ANKRD13C: variants seen among roughly 807,000 people sequenced by gnomAD.
The protein encoded by ANKRD13C is ankyrin repeat domain 13C, also known as ankyrin repeat domain-containing protein 13C.
ANKRD13C carries 16 observed loss-of-function variants against 65.5 expected under a neutral mutation model. The observed-to-expected ratio is 0.24, with a 90% CI of 0.17 to 0.37. The LOEUF is 0.37. ANKRD13C is among the 10% of genes least tolerant of loss of function. The pLI is 1.00. For missense variants in ANKRD13C, 503 were observed against 655.9 expected (o/e 0.77, Z 2.55); for synonymous variants, 235 against 238.7 (o/e 0.98, Z 0.14).
At chr1:70,315,679 ATGTATGTG>A in intron 3 of ANKRD13C, 113 bp from the exon 4 acceptor site, 1 of 760,762 alleles carries the variant, frequency 1.3e-6, no homozygotes, top group Non-Finnish European at 2.1e-6. Flanking sequence ...ATGCACGTGC[ATGTATGTG>A]TGTATGTGTA....
chr1:70,305,287 C>T (rs1331744726), intron 6 of ANKRD13C, among the ~76,000 whole-genome samples: 3 of 152,104 alleles, frequency 2.0e-5, no homozygotes, highest in African/African-American at 2.4e-5. Flanking sequence ...TGCTTTGTGT[C>T]ATGGTGAGAA....
chr1:70,273,165 T>G (rs1678970000), intron 11 of ANKRD13C, among the ~76,000 whole-genome samples: 1 of 152,110 alleles, frequency 6.6e-6, no homozygotes, highest in African/African-American at 2.4e-5. Context: ...TATAGAACAA[T>G]CTATCTACTT....
At chr1:70,328,906 T>C (rs770564622) in intron 2 of ANKRD13C, among the ~76,000 whole-genome samples, 4 of 152,252 alleles carry the variant, frequency 2.6e-5, no homozygotes, top group African/African-American at 7.2e-5. Context: ...CAAAAAACCA[T>C]TGGGTTTTGT....
intron 8 of ANKRD13C, among the ~76,000 whole-genome samples, chr1:70,295,620 A>G (rs1294333728): frequency 6.6e-6 from 1 of 152,230 alleles, no homozygotes; most frequent in Non-Finnish European, 1.5e-5. Context: ...AATTATGGAA[A>G]TAATTTACAC....
chr1:70,288,381 C>G (rs1679713274), intron 9 of ANKRD13C, among the ~76,000 whole-genome samples: 1 of 152,184 alleles, frequency 6.6e-6, no homozygotes, highest in African/African-American at 2.4e-5. Context: ...AAACTGCACT[C>G]TTGGGCATTT....
At chr1:70,304,391 CAG>C (rs2101380537) in intron 6 of ANKRD13C, among the ~76,000 whole-genome samples, 1 of 151,962 alleles carries the variant, frequency 6.6e-6, no homozygotes, top group Non-Finnish European at 1.5e-5. Context: ...ACCTAGGACT[CAG>C]AATAAAAACT....
At chr1:70,325,054 T>C (rs1454045449) in intron 2 of ANKRD13C, 97 bp from the exon 3 acceptor site, 1 of 789,246 alleles carries the variant, frequency 1.3e-6, no homozygotes, top group Non-Finnish European at 1.9e-6. Flanking sequence ...TTAACATAAA[T>C]AGATGAAATA....
At position 70,262,681 on chromosome 1, in the gene ANKRD13C, C is replaced by T; in HGVS notation, c.*36G>A. 6.3e-7 allele frequency: 1 copy of T among 1,596,280 alleles called. No individual in the cohort carries two copies. The highest frequency in any genetic ancestry group is 1.7e-5 in the Admixed American group (1 of 58,070). On this transcript the variant is annotated 3_prime_UTR_variant, in exon 13 of 13. Coordinates refer to ENST00000370944, the MANE Select transcript of ANKRD13C (RefSeq NM_030816.5). ...TCCACTTCTAGGGTCTCTGTATTTT[C>T]TTTCCTTGGTTAGACGGCATCCTTT...
chr1:70,272,235 T>TC (rs1424397220), intron 11 of ANKRD13C, among the ~76,000 whole-genome samples: 1 of 152,068 alleles, frequency 6.6e-6, no homozygotes, highest in Non-Finnish European at 1.5e-5. Flanking sequence ...CTATTTCTTT[T>TC]TTTTTTTGAG....
intron 7 of ANKRD13C, among the ~76,000 whole-genome samples, chr1:70,298,096 T>TA (rs1023906687): frequency 1.2e-4 from 18 of 152,040 alleles, no homozygotes; most frequent in African/African-American, 2.2e-4. Flanking sequence ...CAATATTCTT[T>TA]AAAAAAAAGT....
In ANKRD13C at chr1:70,274,707, G is replaced by T. The variant is rs755224310; in HGVS notation, c.1394+13C>A. ...TTTCTTTCATAAACATTTGTAGTTAGTAACAAACTTACAACTCTATCCCTA... is the reference window on the plus strand; with the variant it reads ...TTTCTTTCATAAACATTTGTAGTTATTAACAAACTTACAACTCTATCCCTA... On this transcript the variant is annotated intron_variant, in intron 11 of 12. Coordinates refer to ENST00000370944, the MANE Select transcript of ANKRD13C (RefSeq NM_030816.5). 1.9e-6 allele frequency: 3 copies of T among 1,572,218 alleles called. No individual in the cohort carries two copies. In the East Asian group the frequency reaches 6.7e-5, roughly 35 times the overall value.
At chr1:70,315,425 A>G (rs76276649) in intron 4 of ANKRD13C, 56 bp downstream of exon 4, 61,794 of 1,467,660 alleles carry the variant, frequency 0.042, 1,545 homozygotes, top group Middle Eastern at 0.079. Context: ...AAAATGCTTA[A>G]AACTACACTT....
intron 1 of ANKRD13C, among the ~76,000 whole-genome samples, chr1:70,342,605 T>G (rs182518670): frequency 4.1e-4 from 63 of 152,212 alleles, no homozygotes; most frequent in African/African-American, 1.5e-3. Context: ...AATATCCCTT[T>G]TTGTATCAAT....
At chr1:70,310,358 C>T (rs1680798040) in intron 5 of ANKRD13C, among the ~76,000 whole-genome samples, 1 of 152,174 alleles carries the variant, frequency 6.6e-6, no homozygotes, top group Non-Finnish European at 1.5e-5. Context: ...AATAAAAGAT[C>T]TAGGCTATCT....
Position 70,306,066 on chromosome 1 carries a change from T to TTTAAAAAAAAAAA in ANKRD13C, c.776+157_776+158insTTTTTTTTTTTAA, listed in dbSNP as rs1239338746. Reference sequence around the variant, plus strand: ...AAAATAAAAAAAGGTTCTATGTCTTTGGTTTTTTATCTATTATGTCTCGAA... The same window carrying TTTAAAAAAAAAAA: ...AAAATAAAAAAAGGTTCTATGTCTTTTTAAAAAAAAAAAGGTTTTTTATCTATTATGTCTCGAA... On this transcript the variant is annotated intron_variant, in intron 6 of 12. Transcript: ENST00000370944. 22 of 401,300 alleles carry TTTAAAAAAAAAAA rather than the reference T, an allele frequency of 5.5e-5. No homozygotes were observed. In the East Asian group the frequency reaches 8.1e-4, roughly 15 times the overall value. The allele number at this position is 401,300 out of a possible 1,614,324, so 24.9% of individuals were successfully genotyped here.
rs553362562 is a variant in ANKRD13C, at chr1:70,282,350, C to T, written c.1216-5506G>A. 1.9e-4 allele frequency among the ~76,000 whole-genome samples: 29 copies of T among 151,948 alleles called. No individual in the cohort carries two copies. The South Asian group carries it at 2.1e-3, about 11-fold the overall frequency. ...GATTACAGACATGAGACACCGCGCC[C>T]GGCAATATAAATCATCTTATACCAT... On this transcript the variant is annotated intron_variant, in intron 9 of 12. Transcript: ENST00000370944.
chr1:70,319,155 C>T (rs916203820), intron 3 of ANKRD13C, among the ~76,000 whole-genome samples: 1 of 152,064 alleles, frequency 6.6e-6, no homozygotes, highest in Non-Finnish European at 1.5e-5. Context: ...ATAACAAGCC[C>T]TGCTTTGAAG....
chr1:70,271,025 T>C, intron 11 of ANKRD13C, 69 bp from the exon 12 acceptor site: 1 of 944,302 alleles, frequency 1.1e-6, no homozygotes, highest in Admixed American at 2.1e-5. Flanking sequence ...GCTTTTCAAC[T>C]ACATGCTTCA....
rs758807976 is a variant in ANKRD13C, at chr1:70,300,839, A to T, written c.846T>A (p.Asn282Lys). Residue 282 changes from asparagine to lysine, a missense_variant, in exon 7 of 13, where the codon AAT becomes AAA. Around this residue, in one of 2 missense-constraint regions of ANKRD13C, gnomAD observed 300 missense variants for 478.3 expected, o/e 0.63. Coordinates refer to ENST00000370944, the MANE Select transcript of ANKRD13C (RefSeq NM_030816.5). ...CQRGDLSFIF[N>K]GDAAPSESFV... ...AAGATTCAGAGGGCGCCGCATCCCC[A>T]TTGAAAATGAAGCTTAGATCCCCTC... is the stretch of plus-strand genomic sequence containing the variant. 15 of 1,613,852 alleles carry T rather than the reference A, an allele frequency of 9.3e-6. No homozygotes were observed. The highest frequency in any genetic ancestry group is 1.3e-5 in the Non-Finnish European group (15 of 1,179,902).
Sources: allele counts gnomAD v4.1 joint callset (sites outside exome capture counted in the v4.1 genomes callset), GRCh38; gene constraint gnomAD v4.1.1; regional missense constraint gnomAD v4.1.1; transcripts MANE v1.5; gene names NCBI Gene and HGNC (gene_info 2026-07-23, HGNC 2026-07-21).